The following MTMR3 variants were observed in gnomAD, a reference collection of about 807,000 sequenced individuals.
MTMR3 encodes myotubularin related protein 3, also known as phosphatidylinositol-3,5-bisphosphate 3-phosphatase MTMR3.
MTMR3 carries 32 observed loss-of-function variants against 132.4 expected under a neutral mutation model. That is an observed-to-expected ratio of 0.24 (90% CI 0.18 to 0.32). The LOEUF (loss-of-function observed/expected upper bound fraction) is 0.32, where lower values mean the gene tolerates loss of function less well. MTMR3 is among the 10% of genes least tolerant of loss of function. The pLI, the probability that MTMR3 is intolerant of heterozygous loss-of-function variation, is 1.00. For synonymous variants in MTMR3, 556 were observed against 550.3 expected, an observed-to-expected ratio of 1.01 and a Z score of -0.14; for missense variants, 1,216 against 1,489.6, an observed-to-expected ratio of 0.82 and a Z score of 3.02.
At chr22:29,971,350 C>T (rs935394213) in intron 3 of MTMR3, among the ~76,000 whole-genome samples, 1 of 152,044 alleles carries the variant, frequency 6.6e-6, no homozygotes, top group African/African-American at 2.4e-5. Context: ...ACATACAGTT[C>T]TCGGACTCCA....
intron 1 of MTMR3, among the ~76,000 whole-genome samples, chr22:29,904,164 G>A (rs2065052417): frequency 6.6e-6 from 1 of 152,200 alleles, no homozygotes; most frequent in African/African-American, 2.4e-5. Context: ...AATTAACACC[G>A]TGGGAGTATG....
chr22:30,019,202 CAAAA>C (rs796476094), intron 16 of MTMR3: 295 of 155,898 alleles, frequency 1.9e-3, no homozygotes, highest in South Asian at 3.6e-3. Flanking sequence ...GACTCCGTCT[CAAAA>C]AAAAAAAAAA....
At chr22:30,019,202 CAAA>C (rs796476094) in intron 16 of MTMR3, 1,000 of 155,310 alleles carry the variant, frequency 6.4e-3, no homozygotes, top group South Asian at 0.012. Flanking sequence ...GACTCCGTCT[CAAA>C]AAAAAAAAAA....
intron 3 of MTMR3, among the ~76,000 whole-genome samples, chr22:29,972,727 T>C (rs73398650): frequency 0.027 from 4,133 of 152,188 alleles, 192 homozygotes; most frequent in African/African-American, 0.096. Context: ...CCTGCCACCA[T>C]GCTTAGCTAA....
At position 29,970,497 on chromosome 22, in the gene MTMR3, C is replaced by CTTTTTT. The variant is rs11326857; in HGVS notation, c.-84-456_-84-451dup. 5.7e-3 allele frequency among the ~76,000 whole-genome samples: 330 copies of CTTTTTT among 57,784 alleles called. 36 individuals carry two copies. Among genetic ancestry groups the CTTTTTT allele is most frequent in the African/African-American group, 0.025 (321 of 12,704 alleles). 37.9% of individuals were successfully genotyped at this position (57,784 alleles called of 152,430 possible). ...TACAGGCATGTGCTGCCATGACCAG[C>CTTTTTT]TTTTTTTTTTTTTTTTTTTTTTTTT... On this transcript the variant is annotated intron_variant, in intron 2 of 19. Coordinates refer to ENST00000401950, the MANE Select transcript of MTMR3 (RefSeq NM_021090.4).
chr22:29,975,022 A>T (rs2066603880), intron 3 of MTMR3, among the ~76,000 whole-genome samples: 1 of 152,188 alleles, frequency 6.6e-6, no homozygotes, highest in Non-Finnish European at 1.5e-5. Flanking sequence ...GTTGGAGAGC[A>T]GTGGTGCAAT....
At chr22:29,906,282 GTCTGTCTATCTATCTA>G (rs1396481079) in intron 1 of MTMR3, among the ~76,000 whole-genome samples, 81 of 87,832 alleles carry the variant, frequency 9.2e-4, no homozygotes, top group East Asian at 7.5e-3. Flanking sequence ...CTGTCTGTCT[GTCTGTCTATCTATCTA>G]TCTATCTATC....
chr22:29,967,256 T>C (rs1435299419), intron 2 of MTMR3, among the ~76,000 whole-genome samples: 1 of 150,818 alleles, frequency 6.6e-6, no homozygotes, highest in African/African-American at 2.5e-5. Flanking sequence ...CGCGCATGTT[T>C]TTTAGAGACA....
At chr22:29,903,748 A>G (rs1280208981) in intron 1 of MTMR3, among the ~76,000 whole-genome samples, 1 of 152,104 alleles carries the variant, frequency 6.6e-6, no homozygotes, top group Admixed American at 6.5e-5. Context: ...AATGTATTAT[A>G]TAATTGAGGT....
Position 30,020,883 on chromosome 22 carries a change from TG to T in MTMR3, c.3225+1del. 1 of 1,579,708 alleles carries T rather than the reference TG, an allele frequency of 6.3e-7. No individual in the cohort carries two copies. Among genetic ancestry groups the T allele is most frequent in the Non-Finnish European group, 8.6e-7 (1 of 1,161,204 alleles). On this transcript the variant is annotated frameshift_variant and splice_region_variant, in exon 17 of 20. Transcript: ENST00000401950. LOFTEE classifies it high-confidence loss of function. ...TTTAATGGAGACTTTGGGGATGAGG[TG>T]GTGAGTAGGCTGTGGTATTCCTCCA... is the stretch of plus-strand genomic sequence containing the variant. ...LHFNGDFGDE[V>X]TSIPDSESNL...
intron 1 of MTMR3, among the ~76,000 whole-genome samples, chr22:29,952,641 G>A (rs2066106328): frequency 6.6e-6 from 1 of 151,932 alleles, no homozygotes; most frequent in African/African-American, 2.4e-5. Context: ...CTAGAATAGT[G>A]CCCATCACTC....
intron 1 of MTMR3, among the ~76,000 whole-genome samples, chr22:29,952,673 A>G (rs2066107124): frequency 6.7e-6 from 1 of 148,458 alleles, no homozygotes; most frequent in South Asian, 2.3e-4. Flanking sequence ...ATGAATGAAC[A>G]TCCACCACTT....
intron 1 of MTMR3, among the ~76,000 whole-genome samples, chr22:29,901,070 T>G (rs1298933975): frequency 3.3e-5 from 5 of 152,164 alleles, no homozygotes; most frequent in Admixed American, 3.3e-4. Flanking sequence ...GATTTTATAA[T>G]AATCTGTTAG....
chr22:30,012,977 A>T (rs1299137022), intron 13 of MTMR3: 3 of 192,680 alleles, frequency 1.6e-5, no homozygotes, highest in Admixed American at 5.8e-5. Context: ...AAATATATGC[A>T]AGTATTAATT....
intron 1 of MTMR3, among the ~76,000 whole-genome samples, chr22:29,898,324 G>A (rs2064941490): frequency 6.6e-6 from 1 of 152,038 alleles, no homozygotes; most frequent in South Asian, 2.1e-4. Context: ...TAGTGTGCAG[G>A]TTTGTTACAT....
In MTMR3 at chr22:29,946,748, GTT is replaced by G. The variant is rs11312978; in HGVS notation, c.-137-10277_-137-10276del. 5.9e-3 allele frequency among the ~76,000 whole-genome samples: 885 copies of G among 149,430 alleles called. 6 individuals are homozygous for G. Among genetic ancestry groups the G allele is most frequent in the African/African-American group, 0.019 (776 of 40,756 alleles). ...GGCATGTTATGGTTGAATTGGAAAA[GTT>G]TTTTTTTTTTCTAGTGGTATGTAAA... On this transcript the variant is annotated intron_variant, in intron 1 of 19. Coordinates refer to ENST00000401950, the MANE Select transcript of MTMR3 (RefSeq NM_021090.4).
rs769693043 is a variant in MTMR3 at position 30,007,980 on chromosome 22, C to T, written c.957C>T (p.Ser319=). ...AGCTTTTGATCTTGGATGCACGCTC[C>T]TATGCAGCTGCTGTGGCAAACCGAG... ...PQKLLILDAR[S]YAAAVANRAK... is the part of the protein sequence containing the mutation. Residue 319 remains serine (S), a synonymous_variant, in exon 11 of 20, where the codon TCC becomes TCT. Transcript: ENST00000401950. 8 of 1,613,460 alleles carry T rather than the reference C, an allele frequency of 5.0e-6. No individual in the cohort carries two copies. The South Asian group carries it at 7.7e-5, about 16-fold the overall frequency.
chr22:29,935,651 G>C (rs779126026), intron 1 of MTMR3, among the ~76,000 whole-genome samples: 6 of 151,714 alleles, frequency 4.0e-5, no homozygotes, highest in Non-Finnish European at 5.9e-5. Flanking sequence ...GAAAGCAGGA[G>C]ATCTATTCCT....
intron 1 of MTMR3, among the ~76,000 whole-genome samples, chr22:29,885,392 G>A (rs2064653607): frequency 6.6e-6 from 1 of 152,186 alleles, no homozygotes; most frequent in South Asian, 2.1e-4. Context: ...TGCAAATTGA[G>A]CATCTCTTAA....
Sources: allele counts gnomAD v4.1 joint callset (sites outside exome capture counted in the v4.1 genomes callset), GRCh38; gene constraint gnomAD v4.1.1; transcripts MANE v1.5; gene names NCBI Gene and HGNC (gene_info 2026-07-23, HGNC 2026-07-21).